The following THSD7A variants were observed in gnomAD, a reference collection of about 807,000 sequenced individuals.
THSD7A encodes thrombospondin type-1 domain-containing protein 7A.
THSD7A carries 96 observed loss-of-function variants against 231.3 expected under a neutral mutation model. The observed-to-expected ratio is 0.41, with a 90% CI of 0.35 to 0.49. The LOEUF is 0.49. THSD7A is among the 20% of genes least tolerant of loss of function. The probability of loss-of-function intolerance (pLI) is 0.05; values close to 1 mark genes in which losing one functional copy is unlikely to be tolerated. For synonymous variants in THSD7A, 940 were observed against 743.3 expected, an observed-to-expected ratio of 1.26 and a Z score of -4.30; for missense variants, 2,290 against 2,070.2, an observed-to-expected ratio of 1.11 and a Z score of -2.06.
intron 1 of THSD7A, among the ~76,000 whole-genome samples, chr7:11,736,458 T>C (rs1781915315): frequency 6.8e-6 from 1 of 146,662 alleles, no homozygotes; most frequent in Non-Finnish European, 1.5e-5. Flanking sequence ...AGACTCTGTG[T>C]GTGTGTGTGT....
At chr7:11,575,135 G>C (rs559311553) in intron 4 of THSD7A, among the ~76,000 whole-genome samples, 39 of 152,266 alleles carry the variant, frequency 2.6e-4, no homozygotes, top group Middle Eastern at 3.4e-3. Flanking sequence ...CTCACATATA[G>C]TAATCATCTA....
chr7:11,477,125 C>T (rs1786223903), intron 7 of THSD7A, among the ~76,000 whole-genome samples: 1 of 152,104 alleles, frequency 6.6e-6, no homozygotes, highest in Non-Finnish European at 1.5e-5. Context: ...TGCCAACTGT[C>T]CCAAAATGTC....
chr7:11,696,962 A>G (rs1780423347), intron 1 of THSD7A, among the ~76,000 whole-genome samples: 1 of 151,414 alleles, frequency 6.6e-6, no homozygotes, highest in Non-Finnish European at 1.5e-5. Flanking sequence ...AGAAGACTGG[A>G]AATAGGAATT....
chr7:11,741,174 G>A (rs1002387707), intron 1 of THSD7A, among the ~76,000 whole-genome samples: 2 of 151,802 alleles, frequency 1.3e-5, no homozygotes, highest in Non-Finnish European at 2.9e-5. Flanking sequence ...TACTCTGCCA[G>A]GTGTTTAAAC....
chr7:11,782,097 A>G lies in THSD7A; in HGVS notation c.190+49660T>C, dbSNP rs530424764. 2.8e-4 allele frequency among the ~76,000 whole-genome samples: 43 copies of G among 152,322 alleles called. No homozygotes were observed. In the South Asian group the frequency reaches 8.3e-3, roughly 29 times the overall value. ...TCACCTTTGGTTAAAAACCACTATT[A>G]TGGGTATAAAGTTGTAATGTAATTT... On this transcript the variant is annotated intron_variant, in intron 1 of 27. Transcript: ENST00000423059.
intron 4 of THSD7A, among the ~76,000 whole-genome samples, chr7:11,552,972 C>T (rs537773775): frequency 6.6e-6 from 1 of 152,094 alleles, no homozygotes; most frequent in Non-Finnish European, 1.5e-5. Context: ...ACCCTTCTCT[C>T]TCTCTAGAGA....
chr7:11,724,088 T>C (rs1288865632), intron 1 of THSD7A, among the ~76,000 whole-genome samples: 1 of 151,964 alleles, frequency 6.6e-6, no homozygotes, highest in Non-Finnish European at 1.5e-5. Context: ...TGATTGGGGA[T>C]ACATTTCAAA....
chr7:11,384,970 A>C (rs1318740147), intron 23 of THSD7A: 2 of 151,878 alleles, frequency 1.3e-5, no homozygotes, highest in Non-Finnish European at 2.9e-5. Flanking sequence ...ATTTTCACCA[A>C]CGTTTTAGTT....
chr7:11,473,164 A>T (rs1786004404), intron 8 of THSD7A, among the ~76,000 whole-genome samples: 1 of 152,182 alleles, frequency 6.6e-6, no homozygotes, highest in African/African-American at 2.4e-5. Context: ...ATTGTGGGGC[A>T]AAATATCCCT....
chr7:11,523,639 A>C (rs953744309), intron 6 of THSD7A, among the ~76,000 whole-genome samples: 1 of 152,106 alleles, frequency 6.6e-6, no homozygotes, highest in Non-Finnish European at 1.5e-5. Context: ...ACTAAATAGT[A>C]AAGTAAATGA....
At chr7:11,467,924 G>A (rs1785775312) in intron 9 of THSD7A, among the ~76,000 whole-genome samples, 1 of 151,674 alleles carries the variant, frequency 6.6e-6, no homozygotes, top group African/African-American at 2.4e-5. Context: ...GAAAAATTCT[G>A]ATTCTTCACT....
At chr7:11,667,145 G>GC (rs1783168678) in intron 1 of THSD7A, among the ~76,000 whole-genome samples, 1 of 151,756 alleles carries the variant, frequency 6.6e-6, no homozygotes, top group Non-Finnish European at 1.5e-5. Context: ...GACATTTAAT[G>GC]CCCCCCTCAC....
Position 11,372,699 on chromosome 7 carries a change from G to C in THSD7A, c.*3095C>G, listed in dbSNP as rs1782102850. On this transcript the variant is annotated 3_prime_UTR_variant, in exon 28 of 28. Coordinates refer to ENST00000423059, the MANE Select transcript of THSD7A (RefSeq NM_015204.3). Reference sequence around the variant, plus strand: ...CAACAGACCTTCATTCTAGGGAACAGCAGTTCTACATCTTTTACCCCCTCG... The same window carrying C: ...CAACAGACCTTCATTCTAGGGAACACCAGTTCTACATCTTTTACCCCCTCG... 6.6e-6 allele frequency: 1 copy of C among 151,918 alleles called. No homozygotes were observed. The highest frequency in any genetic ancestry group is 2.4e-5 in the African/African-American group (1 of 41,398). 9.4% of individuals were successfully genotyped at this position (151,918 alleles called of 1,614,324 possible).
chr7:11,426,660 T>G lies in THSD7A; in HGVS notation c.3249+6A>C. On this transcript the variant is annotated splice_donor_region_variant and intron_variant, in intron 15 of 27. Coordinates refer to ENST00000423059, the MANE Select transcript of THSD7A (RefSeq NM_015204.3). The stretch of plus-strand genomic sequence containing the variant: ...ATCAAAAAGCATGAGGTTTAAGAGT[T>G]CTTACCTGTGCCTGGAGTGGTGTTC... The G allele has an allele frequency of 6.4e-7, 1 of 1,560,068 alleles. No homozygotes were observed. The highest frequency in any genetic ancestry group is 8.6e-7 in the Non-Finnish European group (1 of 1,159,308).
At position 11,375,674 on chromosome 7, in the gene THSD7A, T is replaced by G. The variant is rs1355252679; in HGVS notation, c.*120A>C. The G allele has an allele frequency of 2.5e-6, 2 of 784,362 alleles. No individual in the cohort carries two copies. The highest frequency in any genetic ancestry group is 4.1e-6 in the Non-Finnish European group (2 of 487,380). The allele number at this position is 784,362 out of a possible 1,614,324, so 48.6% of individuals were successfully genotyped here. ...ATGATTTTCACTCTTGTCTTTATGA[T>G]GCCATTTTTAAAAATTAAAATATAT... On this transcript the variant is annotated 3_prime_UTR_variant, in exon 28 of 28. Coordinates refer to ENST00000423059, the MANE Select transcript of THSD7A (RefSeq NM_015204.3).
chr7:11,769,153 A>ATATATATATATTTTTTTTTTTT, intron 1 of THSD7A, among the ~76,000 whole-genome samples: 1 of 27,662 alleles, frequency 3.6e-5, no homozygotes, highest in Non-Finnish European at 7.0e-5. Flanking sequence ...ATATATATAT[A>ATATATATATATTTTTTTTTTTT]TTTTTTTTTT....
At chr7:11,376,317 C>A (rs1782270847) in intron 27 of THSD7A, among the ~76,000 whole-genome samples, 2 of 152,000 alleles carry the variant, frequency 1.3e-5, no homozygotes, top group African/African-American at 4.8e-5. Context: ...ATATTGAGTA[C>A]AAAGCAATAT....
intron 13 of THSD7A, among the ~76,000 whole-genome samples, chr7:11,443,355 G>T (rs1292956030): frequency 3.9e-5 from 6 of 151,960 alleles, no homozygotes; most frequent in Non-Finnish European, 7.4e-5. Context: ...AGTAGAAAGA[G>T]AATTTATATT....
At chr7:11,403,449 T>G (rs1020005580) in intron 22 of THSD7A, among the ~76,000 whole-genome samples, 1 of 152,182 alleles carries the variant, frequency 6.6e-6, no homozygotes, top group African/African-American at 2.4e-5. Flanking sequence ...TAGAAAGAAT[T>G]TCTAAATAGT....
Sources: gnomAD v4.1 joint callset for allele counts (sites outside exome capture counted in the v4.1 genomes callset) on GRCh38, gnomAD v4.1.1 for gene constraint, MANE v1.5 for transcripts, NCBI Gene and HGNC (gene_info 2026-07-23, HGNC 2026-07-21) for gene names.